Variants in TENM3 observed in about 807,000 individuals in gnomAD.
The protein encoded by TENM3 is teneurin transmembrane protein 3.
In TENM3, 63 loss-of-function variants were observed where a neutral mutation model predicts 255.1. The ratio of observed to expected loss-of-function variants is 0.25; its 90% CI spans 0.20 to 0.30. TENM3 has a LOEUF of 0.30. Among genes scored for constraint, TENM3 ranks in the 10% least tolerant of loss-of-function variants. TENM3 has a pLI of 1.00. For missense variants in TENM3, 2,929 were observed against 3,461.1 expected (o/e 0.85, Z 3.86); for synonymous variants, 1,306 against 1,322.3 (o/e 0.99, Z 0.27).
chr4:181,791,745 A>T, the TENM3 span, among the ~76,000 whole-genome samples: 1 of 152,200 alleles, frequency 6.6e-6, no homozygotes, highest in African/African-American at 2.4e-5. Context: ...TGGTCCCTGC[A>T]CTGGAGACCC....
intron 1 of TENM3, among the ~76,000 whole-genome samples, chr4:182,213,884 C>T (rs1755231210): frequency 6.6e-6 from 1 of 152,108 alleles, no homozygotes; most frequent in South Asian, 2.1e-4. Context: ...TCACTGCAAG[C>T]TCTGCCTCCT....
intron 1 of TENM3, among the ~76,000 whole-genome samples, chr4:182,194,605 T>C (rs781079913): frequency 1.2e-4 from 18 of 152,204 alleles, no homozygotes; most frequent in Non-Finnish European, 2.2e-4. Flanking sequence ...TTATGTGATC[T>C]TTTTTTAACT....
the TENM3 span, among the ~76,000 whole-genome samples, chr4:181,525,773 G>A: frequency 6.6e-6 from 1 of 152,180 alleles, no homozygotes; most frequent in East Asian, 1.9e-4. Context: ...CTGTGGGGTG[G>A]CAGGTTTTCT....
At chr4:182,017,138 G>A in the TENM3 span, among the ~76,000 whole-genome samples, 2 of 152,216 alleles carry the variant, frequency 1.3e-5, no homozygotes, top group African/African-American at 4.8e-5. Flanking sequence ...CAATTTCCCT[G>A]CTAGCTGGTC....
intron 20 of TENM3, among the ~76,000 whole-genome samples, chr4:182,753,206 G>A (rs778389954): frequency 1.4e-4 from 22 of 152,032 alleles, no homozygotes; most frequent in Non-Finnish European, 1.6e-4. Flanking sequence ...CCTCGGCCTC[G>A]CAAAGTGCTA....
At chr4:182,625,980 T>C (rs940375267) in intron 4 of TENM3, among the ~76,000 whole-genome samples, 2 of 152,164 alleles carry the variant, frequency 1.3e-5, no homozygotes, top group East Asian at 1.9e-4. Flanking sequence ...CTTTAAATAA[T>C]TGACAGCATG....
chr4:181,833,629 G>C, the TENM3 span, among the ~76,000 whole-genome samples: 1 of 152,098 alleles, frequency 6.6e-6, no homozygotes, highest in African/African-American at 2.4e-5. Context: ...CTTTAACTGA[G>C]GGGGAGAAGA....
At chr4:182,738,130 A>G (rs533783427) in intron 17 of TENM3, among the ~76,000 whole-genome samples, 140 of 152,170 alleles carry the variant, frequency 9.2e-4, no homozygotes, top group Middle Eastern at 6.8e-3. Flanking sequence ...TCTGGACTTT[A>G]TTTTGTGCTG....
intron 3 of TENM3, among the ~76,000 whole-genome samples, chr4:182,559,616 A>T (rs1560922738): frequency 6.6e-6 from 1 of 151,728 alleles, no homozygotes; most frequent in Non-Finnish European, 1.5e-5. Flanking sequence ...AAACTTTGAG[A>T]TTTTCTATTG....
chr4:182,257,658 C>A (rs528335548), intron 1 of TENM3, among the ~76,000 whole-genome samples: 1 of 151,974 alleles, frequency 6.6e-6, no homozygotes, highest in African/African-American at 2.4e-5. Flanking sequence ...GGAAAGGGAC[C>A]GGAATCGCCA....
At chr4:182,393,409 G>A (rs1241675002) in intron 3 of TENM3, among the ~76,000 whole-genome samples, 2 of 152,126 alleles carry the variant, frequency 1.3e-5, no homozygotes, top group East Asian at 3.8e-4. Flanking sequence ...AGCAGCAGGA[G>A]GGAAATAACA....
chr4:181,735,094 A>C, the TENM3 span, among the ~76,000 whole-genome samples: 6 of 152,104 alleles, frequency 3.9e-5, no homozygotes, highest in South Asian at 1.2e-3. Flanking sequence ...AAAAATATAT[A>C]TTATTTTTAA....
At chr4:181,687,599 A>G in the TENM3 span, among the ~76,000 whole-genome samples, 1 of 152,168 alleles carries the variant, frequency 6.6e-6, no homozygotes, top group Admixed American at 6.6e-5. Context: ...GTTTGCAGCC[A>G]GTTGTTAGAC....
chr4:182,738,075 C>T (rs1327595947), intron 17 of TENM3, among the ~76,000 whole-genome samples: 1 of 152,106 alleles, frequency 6.6e-6, no homozygotes, highest in East Asian at 1.9e-4. Flanking sequence ...GTTATCTAAT[C>T]ACTGTTTGAG....
Position 182,378,658 on chromosome 4 carries a change from G to A in TENM3, c.511+31729G>A, listed in dbSNP as rs554014874. Among the ~76,000 whole-genome samples the A allele has an allele frequency of 2.0e-5, 3 of 152,276 alleles. No individual in the cohort carries two copies. The South Asian group carries it at 6.2e-4, about 32-fold the overall frequency. On this transcript the variant is annotated intron_variant, in intron 3 of 27. Transcript: ENST00000511685. ...GGAAGGGTCACCCAGCGGTCACGGA[G>A]GACAGTGGCATAACTCATGAAATAA...
the TENM3 span, among the ~76,000 whole-genome samples, chr4:181,943,381 T>C: frequency 6.6e-6 from 1 of 152,108 alleles, no homozygotes; most frequent in Non-Finnish European, 1.5e-5. Context: ...AACAGGAGGT[T>C]GGGTTCATTC....
intron 3 of TENM3, among the ~76,000 whole-genome samples, chr4:182,461,893 C>T (rs1732034064): frequency 1.3e-5 from 2 of 152,148 alleles, no homozygotes; most frequent in African/African-American, 2.4e-5. Context: ...CTAAAAATTG[C>T]ACTCCCAGTT....
the TENM3 span, among the ~76,000 whole-genome samples, chr4:181,857,935 G>A: frequency 2.0e-5 from 3 of 152,172 alleles, no homozygotes; most frequent in Admixed American, 2.0e-4. Context: ...GTCCTGCTAG[G>A]CAGTTGTAAC....
chr4:182,041,314 C>T, the TENM3 span, among the ~76,000 whole-genome samples: 15 of 152,024 alleles, frequency 9.9e-5, no homozygotes, highest in Non-Finnish European at 1.8e-4. Context: ...ATGGGAGGGC[C>T]TTTAAACAAG....
Sources: allele counts gnomAD v4.1 joint callset (sites outside exome capture counted in the v4.1 genomes callset), GRCh38; gene constraint gnomAD v4.1.1; transcripts MANE v1.5; gene names NCBI Gene and HGNC (gene_info 2026-07-23, HGNC 2026-07-21).